The following FRMD5 variants were observed in gnomAD, a reference collection of about 807,000 sequenced individuals.
FRMD5 encodes the protein FERM domain containing 5, also known as FERM domain-containing protein 5.
Under a neutral mutation model 69.0 loss-of-function variants are expected in FRMD5, and 20 were observed. The observed-to-expected ratio is 0.29, with a 90% confidence interval of 0.20 to 0.42. The LOEUF (loss-of-function observed/expected upper bound fraction) is 0.42. Among genes scored for constraint, FRMD5 ranks in the 10% least tolerant of loss-of-function variants. FRMD5 has a pLI of 1.00. For synonymous variants in FRMD5, 271 were observed against 260.1 expected, an observed-to-expected ratio of 1.04 and a Z score of -0.40; for missense variants, 595 against 708.6, an observed-to-expected ratio of 0.84 and a Z score of 1.82.
chr15:43,874,524 C>T (rs1595466028), intron 13 of FRMD5, 62 bp from the exon 14 acceptor site: 2 of 1,296,460 alleles, frequency 1.5e-6, no homozygotes, highest in Non-Finnish European at 2.2e-6. Flanking sequence ...TTTCCAGTAG[C>T]ACCCATTGTG....
chr15:43,875,312 C>T (rs1442595519), intron 13 of FRMD5, among the ~76,000 whole-genome samples: 1 of 138,064 alleles, frequency 7.2e-6, no homozygotes, highest in Non-Finnish European at 1.5e-5. Context: ...GATCACACCA[C>T]TGCATTCCAA....
chr15:43,900,876 C>G (rs2089029902), intron 7 of FRMD5, among the ~76,000 whole-genome samples: 2 of 152,132 alleles, frequency 1.3e-5, no homozygotes, highest in African/African-American at 4.8e-5. Flanking sequence ...CTTGGCCTCC[C>G]AAAGTGCTGG....
At chr15:44,146,095 C>G (rs1374302750) in intron 1 of FRMD5, among the ~76,000 whole-genome samples, 2 of 152,104 alleles carry the variant, frequency 1.3e-5, no homozygotes, top group Non-Finnish European at 2.9e-5. Flanking sequence ...ACCCATCAAC[C>G]CATCACCTAG....
intron 1 of FRMD5, among the ~76,000 whole-genome samples, chr15:44,027,719 C>T (rs1891499245): frequency 6.8e-6 from 1 of 146,178 alleles, no homozygotes; most frequent in South Asian, 2.2e-4. Flanking sequence ...GGTGCCATCT[C>T]AGCTCACTGC....
intron 1 of FRMD5, among the ~76,000 whole-genome samples, chr15:44,127,816 G>T (rs1255675603): frequency 1.3e-5 from 2 of 152,074 alleles, no homozygotes; most frequent in Non-Finnish European, 2.9e-5. Flanking sequence ...AGGCTGCAGG[G>T]AGTTGTGATC....
intron 1 of FRMD5, among the ~76,000 whole-genome samples, chr15:44,182,835 G>T (rs907023112): frequency 6.6e-6 from 1 of 151,608 alleles, no homozygotes; most frequent in African/African-American, 2.4e-5. Context: ...TCGCTCTGTC[G>T]CCCAGGCTAG....
intron 1 of FRMD5, among the ~76,000 whole-genome samples, chr15:44,186,953 G>A (rs1046702773): frequency 3.3e-5 from 5 of 152,174 alleles, no homozygotes; most frequent in Non-Finnish European, 5.9e-5. Flanking sequence ...CGCAATCCTC[G>A]GTCCTCAAGA....
At position 43,924,928 on chromosome 15, in the gene FRMD5, T is replaced by C. The variant is rs536067223; in HGVS notation, c.103-619A>G. ...AAAAGGATATACTATGAACAGTAAG[T>C]CTCCCTTCCACCCTGGCCACCCTGT... On this transcript the variant is annotated intron_variant, in intron 1 of 13. Transcript: ENST00000417257. Among the ~76,000 whole-genome samples the C allele has an allele frequency of 2.0e-3, 297 of 151,792 alleles. 2 individuals carry two copies. Among genetic ancestry groups the C allele is most frequent in the African/African-American group, 7.0e-3 (289 of 41,376 alleles).
rs1464405501 is a variant in FRMD5 at position 44,054,318 on chromosome 15, ATCCTATTATCT to A, written c.103-130020_103-130010del. ...GGGAGCAGCTTTTATCCCAACCTCT[ATCCTATTATCT>A]TCCCTGCAATCGTCCGCTCTCCAGA... On this transcript the variant is annotated intron_variant, in intron 1 of 13. Coordinates refer to ENST00000417257, the MANE Select transcript of FRMD5 (RefSeq NM_032892.5). 2.0e-5 allele frequency among the ~76,000 whole-genome samples: 3 copies of A among 152,264 alleles called. No individual in the cohort carries two copies. In the South Asian group the frequency reaches 6.2e-4, roughly 32 times the overall value.
In FRMD5 at chr15:43,899,293, G is replaced by A. The variant is rs575237562; in HGVS notation, c.639+2882C>T. Among the ~76,000 whole-genome samples, 10 of 152,290 alleles carry A rather than the reference G, an allele frequency of 6.6e-5. No homozygotes were observed. In the East Asian group the frequency reaches 1.9e-3, roughly 29 times the overall value. On this transcript the variant is annotated intron_variant, in intron 7 of 13. Coordinates refer to ENST00000417257, the MANE Select transcript of FRMD5 (RefSeq NM_032892.5). ...GAATCATGGCCAGAGCCTAATGAGA[G>A]GAGCTGAGGGGCTATGTGTGGGGTC...
chr15:43,949,062 A>T (rs1447691070), intron 1 of FRMD5, among the ~76,000 whole-genome samples: 2 of 152,236 alleles, frequency 1.3e-5, no homozygotes, highest in Non-Finnish European at 2.9e-5. Context: ...AGGCCAAAAG[A>T]AGCACTAAGC....
chr15:44,001,568 G>A (rs1890213316), intron 1 of FRMD5, among the ~76,000 whole-genome samples: 1 of 149,130 alleles, frequency 6.7e-6, no homozygotes, highest in Admixed American at 6.7e-5. Context: ...TCCATTTTGA[G>A]TTTATTTTTG....
At chr15:44,127,770 G>A (rs1056165751) in intron 1 of FRMD5, among the ~76,000 whole-genome samples, 1 of 152,086 alleles carries the variant, frequency 6.6e-6, no homozygotes, top group Non-Finnish European at 1.5e-5. Context: ...TACTTGGAAG[G>A]CTGAGGTGGG....
At chr15:44,117,435 G>C (rs1010516895) in intron 1 of FRMD5, among the ~76,000 whole-genome samples, 1 of 152,158 alleles carries the variant, frequency 6.6e-6, no homozygotes, top group Non-Finnish European at 1.5e-5. Context: ...TAAAGAGTTG[G>C]GGAGGACAAG....
intron 1 of FRMD5, among the ~76,000 whole-genome samples, chr15:43,962,450 G>T: frequency 6.6e-6 from 1 of 152,318 alleles, no homozygotes; most frequent in South Asian, 2.1e-4. Flanking sequence ...TGGGTAGGAA[G>T]AATCAGTATC....
At chr15:44,023,470 C>A (rs903082133) in intron 1 of FRMD5, among the ~76,000 whole-genome samples, 3 of 152,168 alleles carry the variant, frequency 2.0e-5, no homozygotes, top group African/African-American at 7.2e-5. Flanking sequence ...TTACAAAGCA[C>A]CTTGAGCTTA....
chr15:44,103,992 G>T (rs1404840444), intron 1 of FRMD5, among the ~76,000 whole-genome samples: 1 of 152,068 alleles, frequency 6.6e-6, no homozygotes, highest in Non-Finnish European at 1.5e-5. Context: ...AATAACACTT[G>T]ATAATAGCAA....
chr15:43,995,841 C>A (rs1889894243), intron 1 of FRMD5, among the ~76,000 whole-genome samples: 1 of 152,040 alleles, frequency 6.6e-6, no homozygotes, highest in Non-Finnish European at 1.5e-5. Context: ...CAGCTTGGAA[C>A]CTTGGTCCAC....
intron 1 of FRMD5, among the ~76,000 whole-genome samples, chr15:44,112,862 TG>T (rs1268381699): frequency 6.6e-6 from 1 of 152,142 alleles, no homozygotes; most frequent in Admixed American, 6.5e-5. Context: ...CCCAAAGTGC[TG>T]GGACTACAGG....
Sources: gnomAD v4.1 joint callset for allele counts (sites outside exome capture counted in the v4.1 genomes callset) on GRCh38, gnomAD v4.1.1 for gene constraint, MANE v1.5 for transcripts, NCBI Gene and HGNC (gene_info 2026-07-23, HGNC 2026-07-21) for gene names.